The following FAM169A variants were observed in gnomAD, a reference collection of about 807,000 sequenced individuals.
FAM169A encodes soluble lamin-associated protein of 75 kDa.
In FAM169A, 24 loss-of-function variants were observed where a neutral mutation model predicts 75.7. That is an observed-to-expected ratio of 0.32 (90% CI 0.23 to 0.45). The LOEUF (loss-of-function observed/expected upper bound fraction) is 0.45, where lower values mean the gene tolerates loss of function less well. Ranked by LOEUF, FAM169A falls within the 20% of genes least tolerant of loss-of-function variation. The pLI, the probability that FAM169A is intolerant of heterozygous loss-of-function variation, is 1.00. For synonymous variants in FAM169A, 271 were observed against 271.0 expected (o/e 1.00, Z 0.00); for missense variants, 673 against 784.0 (o/e 0.86, Z 1.69).
chr5:74,835,440 A>G (rs1748522268), intron 4 of FAM169A, among the ~76,000 whole-genome samples: 1 of 151,932 alleles, frequency 6.6e-6, no homozygotes, highest in Non-Finnish European at 1.5e-5. Flanking sequence ...CGTCTCTACA[A>G]AAAATACAAA....
At chr5:74,808,291 T>C (rs923158718) in intron 6 of FAM169A, among the ~76,000 whole-genome samples, 1 of 152,032 alleles carries the variant, frequency 6.6e-6, no homozygotes, top group Non-Finnish European at 1.5e-5. Context: ...TATCCAGCCA[T>C]AAAAAGGAAT....
At chr5:74,860,389 A>G (rs912052021) in intron 1 of FAM169A, among the ~76,000 whole-genome samples, 1 of 152,196 alleles carries the variant, frequency 6.6e-6, no homozygotes, top group South Asian at 2.1e-4. Context: ...CTCCACTTCT[A>G]TGAATTACTA....
intron 11 of FAM169A, among the ~76,000 whole-genome samples, chr5:74,787,393 G>C (rs1745748810): frequency 6.6e-6 from 1 of 152,216 alleles, no homozygotes; most frequent in Non-Finnish European, 1.5e-5. Context: ...GTTTAATGTA[G>C]AGGAAGAGAT....
intron 1 of FAM169A, among the ~76,000 whole-genome samples, chr5:74,852,480 T>C (rs949426883): frequency 6.6e-6 from 1 of 152,076 alleles, no homozygotes; most frequent in Non-Finnish European, 1.5e-5. Context: ...AATAAATGAA[T>C]GACTGAATAA....
chr5:74,787,766 C>T (rs752678508), intron 11 of FAM169A, among the ~76,000 whole-genome samples: 18 of 152,058 alleles, frequency 1.2e-4, no homozygotes, highest in South Asian at 6.2e-4. Context: ...TTTGCACTGG[C>T]TAATTAATCA....
At chr5:74,791,427 C>G (rs1745969106) in intron 11 of FAM169A, among the ~76,000 whole-genome samples, 1 of 152,074 alleles carries the variant, frequency 6.6e-6, no homozygotes, top group Admixed American at 6.6e-5. Flanking sequence ...GGTATTAGTT[C>G]CAGAGAGACG....
At chr5:74,816,611 A>G (rs1209371705) in intron 5 of FAM169A, among the ~76,000 whole-genome samples, 1 of 152,184 alleles carries the variant, frequency 6.6e-6, no homozygotes, top group Non-Finnish European at 1.5e-5. Context: ...GGTCTGACTC[A>G]TACAAATGCA....
intron 3 of FAM169A, 48 bp downstream of exon 3, chr5:74,840,026 A>T (rs751804902): frequency 1.0e-6 from 1 of 973,182 alleles, no homozygotes; most frequent in African/African-American, 1.7e-5. Flanking sequence ...AATTTCTAAC[A>T]GTTTGGAGAA....
intron 4 of FAM169A, among the ~76,000 whole-genome samples, chr5:74,836,322 CTTTGTTT>C (rs1748571756): frequency 1.4e-5 from 2 of 148,116 alleles, no homozygotes; most frequent in African/African-American, 5.3e-5. Flanking sequence ...AGATCTTTCT[CTTTGTTT>C]TTTAATTCTG....
intron 1 of FAM169A, among the ~76,000 whole-genome samples, chr5:74,845,256 C>T (rs984751379): frequency 3.9e-5 from 6 of 152,084 alleles, no homozygotes; most frequent in African/African-American, 9.7e-5. Context: ...CGGTGGTTCA[C>T]GCCTGTAATC....
At chr5:74,831,715 A>T (rs778585706) in intron 5 of FAM169A, among the ~76,000 whole-genome samples, 2 of 152,104 alleles carry the variant, frequency 1.3e-5, no homozygotes, top group Non-Finnish European at 2.9e-5. Flanking sequence ...TGTATTTTCA[A>T]ATTTCTTATG....
At chr5:74,848,177 T>C (rs942614861) in intron 1 of FAM169A, among the ~76,000 whole-genome samples, 2 of 152,218 alleles carry the variant, frequency 1.3e-5, no homozygotes, top group Non-Finnish European at 2.9e-5. Flanking sequence ...TATTCGAATT[T>C]AAAGGAAGAT....
At chr5:74,817,291 G>A (rs1245619584) in intron 5 of FAM169A, among the ~76,000 whole-genome samples, 3 of 151,538 alleles carry the variant, frequency 2.0e-5, no homozygotes, top group Non-Finnish European at 4.4e-5. Context: ...CTTACATATA[G>A]AAAATCCTAA....
chr5:74,781,968 C>T lies in FAM169A; in HGVS notation c.1505G>A (p.Gly502Asp), dbSNP rs1446451984. 1 of 1,613,620 alleles carries T rather than the reference C, an allele frequency of 6.2e-7. No individual in the cohort carries two copies. The highest frequency in any genetic ancestry group is 8.5e-7 in the Non-Finnish European group (1 of 1,179,674). ...IPDSEMLMDE[G>D]TSDEKGHMEE... is the part of the protein sequence containing the mutation. ...CATGTGCCCCTTTTCATCAGATGTG[C>T]CTTCATCCATCAACATTTCTGAGTC... The change falls in exon 13 of 13, where the codon GGC becomes GAC. Residue 502 changes from glycine to aspartate, a missense_variant. Gly to Asp is a moderately conservative substitution (Grantham distance 94). Coordinates refer to ENST00000687041, the MANE Select transcript of FAM169A (RefSeq NM_001376049.1).
chr5:74,866,455 C>T, upstream of FAM169A: 1 of 879,026 alleles, frequency 1.1e-6, no homozygotes, highest in South Asian at 5.2e-5. Context: ...CCCCCGCCCG[C>T]CAGCGCGGAG....
chr5:74,853,730 C>CAA (rs1156254765), intron 1 of FAM169A, among the ~76,000 whole-genome samples: 1 of 102,810 alleles, frequency 9.7e-6, no homozygotes, highest in East Asian at 3.0e-4. Flanking sequence ...TTTTTTGAGA[C>CAA]AGAGTCTTGC....
At chr5:74,833,379 A>G (rs535852161) in intron 5 of FAM169A, among the ~76,000 whole-genome samples, 2 of 152,342 alleles carry the variant, frequency 1.3e-5, no homozygotes, top group Non-Finnish European at 1.5e-5. Context: ...TGAAGTTACA[A>G]AAGTTACTGG....
chr5:74,798,939 G>A (rs1053480221), intron 10 of FAM169A: 10 of 818,448 alleles, frequency 1.2e-5, no homozygotes, highest in African/African-American at 3.4e-5. Context: ...TCTGCTCCAA[G>A]ACCGTCCGGA....
intron 1 of FAM169A, among the ~76,000 whole-genome samples, chr5:74,854,612 C>A (rs1303974402): frequency 6.6e-6 from 1 of 152,178 alleles, no homozygotes; most frequent in East Asian, 1.9e-4. Flanking sequence ...CCACCCACTA[C>A]CCTCCCCAGC....
Sources: gnomAD v4.1 joint callset for allele counts (sites outside exome capture counted in the v4.1 genomes callset) on GRCh38, gnomAD v4.1.1 for gene constraint, MANE v1.5 for transcripts, NCBI Gene and HGNC (gene_info 2026-07-23, HGNC 2026-07-21) for gene names.